Variants in NBAS observed in about 807,000 individuals in gnomAD.
NBAS encodes the protein NAG/BC035112 fusion.
A neutral mutation model predicts 302.5 loss-of-function variants in NBAS; 219 were observed. The observed-to-expected ratio is 0.72, with a 90% confidence interval of 0.65 to 0.81. The LOEUF (loss-of-function observed/expected upper bound fraction) is 0.81. Among genes scored for constraint, NBAS ranks in the 30% least tolerant of loss-of-function variants. The pLI is 0.00. For missense variants in NBAS, 2,932 were observed against 2,841.6 expected, an observed-to-expected ratio of 1.03 and a Z score of -0.72; for synonymous variants, 1,118 against 1,021.6, an observed-to-expected ratio of 1.09 and a Z score of -1.80.
At chr2:14,806,296 T>C in the NBAS span, among the ~76,000 whole-genome samples, 110 of 152,342 alleles carry the variant, frequency 7.2e-4, no homozygotes, top group Non-Finnish European at 9.3e-4. Flanking sequence ...CACCATCTCC[T>C]ATGTTGTGAT....
intron 21 of NBAS, 113 bp from the exon 22 acceptor site, chr2:15,427,907 C>T (rs1256262322): frequency 2.5e-6 from 2 of 802,794 alleles, no homozygotes; most frequent in Admixed American, 4.1e-5. Flanking sequence ...AAGATTCATG[C>T]TTATAGTATT....
At chr2:15,232,379 G>T (rs1283379151) in intron 47 of NBAS, 43 bp downstream of exon 47, 1 of 1,568,422 alleles carries the variant, frequency 6.4e-7, no homozygotes, top group Non-Finnish European at 8.8e-7. Flanking sequence ...AATACTCTGA[G>T]GAAAGCCAGT....
At chr2:15,475,447 C>T (rs762399671) in intron 14 of NBAS, among the ~76,000 whole-genome samples, 2 of 152,074 alleles carry the variant, frequency 1.3e-5, no homozygotes, top group Non-Finnish European at 2.9e-5. Flanking sequence ...AAAAATATAT[C>T]ATTTCAGTGA....
At chr2:15,362,649 T>C (rs1427858620) in intron 32 of NBAS, among the ~76,000 whole-genome samples, 1 of 152,208 alleles carries the variant, frequency 6.6e-6, no homozygotes, top group East Asian at 1.9e-4. Flanking sequence ...AATGCACCTA[T>C]AACACAATAT....
At chr2:15,210,055 C>A (rs530901403) in intron 48 of NBAS, among the ~76,000 whole-genome samples, 10 of 152,164 alleles carry the variant, frequency 6.6e-5, no homozygotes, top group African/African-American at 2.2e-4. Flanking sequence ...CTCCAGAACA[C>A]TGGACTGGAC....
At chr2:15,359,751 T>C (rs1673803047) in intron 32 of NBAS, among the ~76,000 whole-genome samples, 1 of 152,202 alleles carries the variant, frequency 6.6e-6, no homozygotes, top group South Asian at 2.1e-4. Flanking sequence ...AATGTAAGCT[T>C]TTGACGGACA....
At chr2:15,383,182 T>A (rs748690088) in intron 29 of NBAS, 33 bp downstream of exon 29, 12 of 1,505,090 alleles carry the variant, frequency 8.0e-6, no homozygotes, top group Admixed American at 1.9e-5. Flanking sequence ...AATTGTTAAA[T>A]TAAAAAAAAA....
At chr2:15,107,336 G>C in the NBAS span, among the ~76,000 whole-genome samples, 1 of 152,102 alleles carries the variant, frequency 6.6e-6, no homozygotes, top group African/African-American at 2.4e-5. Flanking sequence ...ACCCGACCAT[G>C]CTGGCTCCTG....
intron 30 of NBAS, among the ~76,000 whole-genome samples, chr2:15,379,186 G>GTC (rs1328937856): frequency 2.4e-5 from 3 of 124,002 alleles, no homozygotes; most frequent in Admixed American, 1.7e-4. Flanking sequence ...CAGGTCCCTT[G>GTC]TCTCTCTCTC....
At position 15,254,588 on chromosome 2, in the gene NBAS, C is replaced by T. The variant is rs73194980; in HGVS notation, c.5725-15902G>A. ...TCAACAGTTTTAGGGGAACAGGTGG[C>T]GTTTGCATGGAAAAGTCCTTCAGTG... On this transcript the variant is annotated intron_variant, in intron 44 of 51. Transcript: ENST00000281513. Among the ~76,000 whole-genome samples the T allele has an allele frequency of 9.8e-3, 1,494 of 152,092 alleles. 24 individuals are homozygous for T. The highest frequency in any genetic ancestry group is 0.034 in the African/African-American group (1,407 of 41,484).
At chr2:15,433,951 GA>G (rs796396060) in intron 21 of NBAS, among the ~76,000 whole-genome samples, 40 of 141,700 alleles carry the variant, frequency 2.8e-4, no homozygotes, top group Non-Finnish European at 3.2e-4. Flanking sequence ...AAAGAAAAAG[GA>G]AAAAAAAAAA....
chr2:15,518,798 G>A (rs1464694000), intron 9 of NBAS, among the ~76,000 whole-genome samples: 1 of 152,142 alleles, frequency 6.6e-6, no homozygotes, highest in African/African-American at 2.4e-5. Context: ...GGAAGGCAAG[G>A]AGGAGCAAGG....
intron 44 of NBAS, among the ~76,000 whole-genome samples, chr2:15,274,494 C>T (rs1669477813): frequency 6.6e-6 from 1 of 152,040 alleles, no homozygotes; most frequent in South Asian, 2.1e-4. Context: ...AGTCCAAATG[C>T]TAAGATTTTC....
chr2:14,888,873 T>C, the NBAS span, among the ~76,000 whole-genome samples: 1 of 152,074 alleles, frequency 6.6e-6, no homozygotes, highest in Admixed American at 6.6e-5. Context: ...GGAAGCAGAG[T>C]AGAGGTCAGT....
intron 40 of NBAS, among the ~76,000 whole-genome samples, chr2:15,301,308 T>A (rs1355000418): frequency 6.6e-6 from 1 of 152,238 alleles, no homozygotes; most frequent in Non-Finnish European, 1.5e-5. Flanking sequence ...GTATCTTCTA[T>A]AAAGAAGATT....
At chr2:15,476,348 G>C (rs1292696135) in intron 13 of NBAS, among the ~76,000 whole-genome samples, 6 of 152,052 alleles carry the variant, frequency 3.9e-5, no homozygotes, top group Non-Finnish European at 5.9e-5. Flanking sequence ...ATAGTTTCCA[G>C]TGCTGATTTC....
At chr2:15,453,725 T>C (rs776631567) in intron 21 of NBAS, among the ~76,000 whole-genome samples, 9 of 152,126 alleles carry the variant, frequency 5.9e-5, no homozygotes, top group Non-Finnish European at 7.4e-5. Flanking sequence ...TAACTAAACT[T>C]AGATACTTAC....
chr2:14,999,789 A>G, the NBAS span, among the ~76,000 whole-genome samples: 3 of 152,192 alleles, frequency 2.0e-5, no homozygotes, highest in Non-Finnish European at 4.4e-5. Context: ...TATTTAGTTC[A>G]TTGGGTTGGA....
rs765702047 is a variant in NBAS, at chr2:15,309,202, A to G, written c.4628T>C (p.Leu1543Ser). The G allele has an allele frequency of 1.1e-5, 17 of 1,612,906 alleles. No homozygotes were observed. The highest frequency in any genetic ancestry group is 1.4e-5 in the Non-Finnish European group (16 of 1,179,302). Reference sequence around the variant, plus strand: ...TAAGGCAAGAAGGTAAGCAAGAGCCAAGGTCATGTCATTTGGCAAGGCTTC... The same window carrying G: ...TAAGGCAAGAAGGTAAGCAAGAGCCGAGGTCATGTCATTTGGCAAGGCTTC... ...ASEALPNDMT[L>S]ALAYLLALPQ... Residue 1543 changes from leucine to serine, a missense_variant, in exon 39 of 52, where the codon TTG (leucine) becomes TCG (serine). Leu to Ser is a moderately radical substitution (Grantham distance 145). Transcript: ENST00000281513.
Sources: gnomAD v4.1 joint callset for allele counts (sites outside exome capture counted in the v4.1 genomes callset) on GRCh38, gnomAD v4.1.1 for gene constraint, MANE v1.5 for transcripts, NCBI Gene and HGNC (gene_info 2026-07-23, HGNC 2026-07-21) for gene names.